The following SHTN1 variants were observed in gnomAD, a reference collection of about 807,000 sequenced individuals.
SHTN1 encodes shootin 1.
A neutral mutation model predicts 83.1 loss-of-function variants in SHTN1; 42 were observed. The ratio of observed to expected loss-of-function variants is 0.51; its 90% CI spans 0.39 to 0.65. The LOEUF (loss-of-function observed/expected upper bound fraction) is 0.65. Ranked by LOEUF, SHTN1 falls within the 30% of genes least tolerant of loss-of-function variation. The probability of loss-of-function intolerance (pLI) is 0.00; values close to 1 mark genes in which losing one functional copy is unlikely to be tolerated. For synonymous variants in SHTN1, 224 were observed against 247.7 expected (o/e 0.90, Z 0.90); for missense variants, 622 against 737.8 (o/e 0.84, Z 1.82).
intron 3 of SHTN1, among the ~76,000 whole-genome samples, chr10:116,962,041 T>C (rs1207559602): frequency 3.0e-5 from 4 of 134,512 alleles, no homozygotes; most frequent in Admixed American, 7.4e-5. Context: ...GTGTTGAAGC[T>C]CCCCCCCCCT....
intron 2 of SHTN1, among the ~76,000 whole-genome samples, chr10:117,013,604 G>T (rs1852138278): frequency 6.6e-6 from 1 of 152,114 alleles, no homozygotes; most frequent in East Asian, 1.9e-4. Context: ...AAATAAAAAA[G>T]GAACAATCCC....
chr10:116,997,333 C>T (rs957061290), intron 1 of SHTN1, among the ~76,000 whole-genome samples: 4 of 152,190 alleles, frequency 2.6e-5, no homozygotes, highest in Non-Finnish European at 4.4e-5. Flanking sequence ...TTCTCCCTTG[C>T]GATGTGCACT....
chr10:117,113,806 GA>G (rs1362925406), intron 1 of SHTN1, among the ~76,000 whole-genome samples: 2 of 152,198 alleles, frequency 1.3e-5, no homozygotes, highest in East Asian at 3.9e-4. Flanking sequence ...AGCACTCTGG[GA>G]GGCTGAGGCA....
intron 7 of SHTN1, among the ~76,000 whole-genome samples, chr10:116,948,045 A>T (rs1849650860): frequency 6.6e-6 from 1 of 152,208 alleles, no homozygotes; most frequent in Admixed American, 6.5e-5. Context: ...TTAGTGTTGC[A>T]GCTTCTAAAC....
intron 1 of SHTN1, among the ~76,000 whole-genome samples, chr10:117,050,658 A>C (rs1238276591): frequency 3.3e-5 from 5 of 152,176 alleles, no homozygotes; most frequent in Non-Finnish European, 7.3e-5. Context: ...TAATTGTTTG[A>C]AAAGATCAAC....
chr10:116,999,960 A>C (rs2133536040), intron 1 of SHTN1, among the ~76,000 whole-genome samples: 1 of 152,238 alleles, frequency 6.6e-6, no homozygotes, highest in African/African-American at 2.4e-5. Flanking sequence ...GAAATAGTGA[A>C]ATTCTGACTA....
intron 1 of SHTN1, among the ~76,000 whole-genome samples, chr10:116,985,231 A>C (rs1482201342): frequency 6.6e-6 from 1 of 152,238 alleles, no homozygotes; most frequent in Admixed American, 6.5e-5. Context: ...ATGTTGAATA[A>C]ATGAATGAAT....
At chr10:117,033,543 T>C (rs770200903) in intron 2 of SHTN1, among the ~76,000 whole-genome samples, 4 of 151,962 alleles carry the variant, frequency 2.6e-5, no homozygotes, top group Non-Finnish European at 4.4e-5. Flanking sequence ...TAATAAAAGG[T>C]CTCCCAGTAA....
intron 1 of SHTN1, among the ~76,000 whole-genome samples, chr10:117,059,005 G>A (rs762463051): frequency 1.3e-5 from 2 of 152,162 alleles, no homozygotes; most frequent in Non-Finnish European, 2.9e-5. Context: ...ATTGTTAAAT[G>A]GGTGTAGAAC....
intron 1 of SHTN1, among the ~76,000 whole-genome samples, chr10:117,117,393 T>C (rs886380189): frequency 3.9e-5 from 6 of 152,100 alleles, no homozygotes; most frequent in Non-Finnish European, 8.8e-5. Flanking sequence ...GTGAAAGAAA[T>C]TGAAGAGGAC....
chr10:117,010,289 T>C (rs570569978), upstream of SHTN1, among the ~76,000 whole-genome samples: 9 of 152,138 alleles, frequency 5.9e-5, no homozygotes, highest in South Asian at 1.7e-3. Context: ...AGAACAATTA[T>C]ATGTCAACAA....
At chr10:116,911,879 A>T in intron 13 of SHTN1, 36 bp from the exon 14 acceptor site, 2 of 1,495,704 alleles carry the variant, frequency 1.3e-6, no homozygotes, top group African/African-American at 2.8e-5. Context: ...TCACTGAGTA[A>T]TTCAGTTTAA....
intron 2 of SHTN1, chr10:116,974,258 A>C: frequency 2.3e-6 from 1 of 432,272 alleles, no homozygotes; most frequent in Non-Finnish European, 3.1e-6. Context: ...TTTCACTTTC[A>C]AACTGCTAAG....
chr10:116,993,891 T>C (rs1279002755), intron 1 of SHTN1, among the ~76,000 whole-genome samples: 2 of 152,160 alleles, frequency 1.3e-5, no homozygotes, highest in Admixed American at 1.3e-4. Context: ...TAAGATAAAA[T>C]GTTTAAACAT....
At chr10:116,980,467 A>C (rs1245463417) in intron 1 of SHTN1, among the ~76,000 whole-genome samples, 2 of 151,904 alleles carry the variant, frequency 1.3e-5, no homozygotes, top group Non-Finnish European at 2.9e-5. Context: ...CTAAATTTTT[A>C]AATTTCTTGT....
Position 117,026,196 on chromosome 10 carries a change from G to T in SHTN1, c.-123+22249C>A, listed in dbSNP as rs200271282. Among the ~76,000 whole-genome samples the T allele has an allele frequency of 2.0e-5, 3 of 152,164 alleles. No individual in the cohort carries two copies. In the East Asian group the frequency reaches 5.8e-4, roughly 29 times the overall value. On this transcript the variant is annotated intron_variant, in intron 2 of 17. Coordinates refer to the SHTN1 transcript ENST00000392901. ...TCACAGAGGAGCCCACTGCCTGAAAGTTTGAGTCCCAGGACAAGGATCATT... is the reference window on the plus strand; with the variant it reads ...TCACAGAGGAGCCCACTGCCTGAAATTTTGAGTCCCAGGACAAGGATCATT...
At chr10:116,892,444 T>A (rs1342593314) in intron 16 of SHTN1, among the ~76,000 whole-genome samples, 2 of 152,220 alleles carry the variant, frequency 1.3e-5, no homozygotes, top group Non-Finnish European at 2.9e-5. Flanking sequence ...CATTAAGTCA[T>A]CATGGAAAAT....
intron 1 of SHTN1, among the ~76,000 whole-genome samples, chr10:116,993,237 G>C (rs918008692): frequency 5.9e-5 from 9 of 151,812 alleles, no homozygotes; most frequent in Non-Finnish European, 1.2e-4. Flanking sequence ...GGATGGTCTC[G>C]ATCTCCTGAC....
chr10:116,947,424 C>T (rs1338238026), intron 7 of SHTN1, among the ~76,000 whole-genome samples: 1 of 152,154 alleles, frequency 6.6e-6, no homozygotes, highest in Non-Finnish European at 1.5e-5. Context: ...GACTGGTTTG[C>T]TGCGTAATGA....
Sources: gnomAD v4.1 joint callset for allele counts (sites outside exome capture counted in the v4.1 genomes callset) on GRCh38, gnomAD v4.1.1 for gene constraint, MANE v1.5 for transcripts, NCBI Gene and HGNC (gene_info 2026-07-23, HGNC 2026-07-21) for gene names.